Variants in IQCM observed in about 807,000 individuals in gnomAD.
IQCM encodes IQ domain-containing protein M.
Under a neutral mutation model 57.6 loss-of-function variants are expected in IQCM, and 45 were observed. The observed-to-expected ratio is 0.78, with a 90% CI of 0.62 to 1.00. The LOEUF is 1.00. Ranked by LOEUF, IQCM falls within the 50% of genes least tolerant of loss-of-function variation. The probability of loss-of-function intolerance (pLI) is 0.00; values close to 1 mark genes in which losing one functional copy is unlikely to be tolerated. For missense variants in IQCM, 468 were observed against 511.6 expected (o/e 0.91, Z 0.82); for synonymous variants, 148 against 158.9 (o/e 0.93, Z 0.51).
chr4:149,487,090 C>G (rs900945351), intron 12 of IQCM, among the ~76,000 whole-genome samples: 18 of 152,134 alleles, frequency 1.2e-4, no homozygotes, highest in African/African-American at 4.1e-4. Flanking sequence ...TCACAGTGTA[C>G]TCCCTGGTAT....
chr4:149,391,295 T>C (rs1357933949), intron 13 of IQCM, among the ~76,000 whole-genome samples: 1 of 151,946 alleles, frequency 6.6e-6, no homozygotes, highest in African/African-American at 2.4e-5. Flanking sequence ...CAGTTGCTTA[T>C]AGTATTCTTT....
At chr4:149,537,206 C>T (rs1168523653) in intron 12 of IQCM, among the ~76,000 whole-genome samples, 3 of 151,180 alleles carry the variant, frequency 2.0e-5, no homozygotes, top group Non-Finnish European at 3.0e-5. Flanking sequence ...AATTATTATA[C>T]ATTATATTTA....
chr4:149,715,658 A>C (rs1434613251), intron 5 of IQCM, among the ~76,000 whole-genome samples: 1 of 152,100 alleles, frequency 6.6e-6, no homozygotes, highest in African/African-American at 2.4e-5. Context: ...TTCTTGTCCC[A>C]TGTCCAGGAA....
intron 2 of IQCM, among the ~76,000 whole-genome samples, chr4:149,778,098 C>G (rs1381269171): frequency 1.3e-5 from 2 of 152,120 alleles, no homozygotes; most frequent in Non-Finnish European, 2.9e-5. Context: ...ATGAATTGGC[C>G]GGGCGCGGTG....
At chr4:149,496,801 A>T (rs944869308) in intron 12 of IQCM, among the ~76,000 whole-genome samples, 2 of 152,176 alleles carry the variant, frequency 1.3e-5, no homozygotes, top group Non-Finnish European at 2.9e-5. Context: ...TGCTCATTTT[A>T]TTATTTTTAT....
intron 7 of IQCM, among the ~76,000 whole-genome samples, chr4:149,622,824 C>G (rs1193683836): frequency 1.3e-5 from 2 of 152,140 alleles, no homozygotes; most frequent in Non-Finnish European, 2.9e-5. Flanking sequence ...CTGACCTACC[C>G]ACTCCCCTTA....
At chr4:149,361,708 A>G (rs1467049572) in intron 13 of IQCM, among the ~76,000 whole-genome samples, 1 of 152,202 alleles carries the variant, frequency 6.6e-6, no homozygotes, top group Non-Finnish European at 1.5e-5. Flanking sequence ...GGAAATGCCT[A>G]GAAGCCCAGA....
chr4:149,453,082 G>A (rs1737306984), intron 12 of IQCM, among the ~76,000 whole-genome samples: 1 of 150,746 alleles, frequency 6.6e-6, no homozygotes, highest in African/African-American at 2.4e-5. Flanking sequence ...CAACATCGTA[G>A]GAAAGAAGAA....
chr4:149,744,124 C>T (rs950948157), intron 2 of IQCM, among the ~76,000 whole-genome samples: 1 of 152,176 alleles, frequency 6.6e-6, no homozygotes, highest in African/African-American at 2.4e-5. Flanking sequence ...CACTTTTCCT[C>T]AGCTTCTACC....
At chr4:149,634,872 G>T (rs956741812) in intron 7 of IQCM, among the ~76,000 whole-genome samples, 1 of 152,118 alleles carries the variant, frequency 6.6e-6, no homozygotes, top group Non-Finnish European at 1.5e-5. Flanking sequence ...GGATATCAAA[G>T]AATTTGCCTC....
At chr4:149,684,779 G>A (rs966863549) in intron 6 of IQCM, among the ~76,000 whole-genome samples, 5 of 151,184 alleles carry the variant, frequency 3.3e-5, no homozygotes, top group African/African-American at 1.2e-4. Context: ...CTTTCCCCCT[G>A]CATTCCCATC....
chr4:149,432,058 T>C (rs1475916948), intron 13 of IQCM, among the ~76,000 whole-genome samples: 1 of 151,582 alleles, frequency 6.6e-6, no homozygotes, highest in Non-Finnish European at 1.5e-5. Flanking sequence ...TGTTTTCTTT[T>C]ATTTTGGGTA....
At chr4:149,679,912 G>A (rs1762054402) in intron 7 of IQCM, among the ~76,000 whole-genome samples, 1 of 151,240 alleles carries the variant, frequency 6.6e-6, no homozygotes, top group Non-Finnish European at 1.5e-5. Context: ...ACCATAAAAA[G>A]TATTCATTAT....
chr4:149,610,140 A>C (rs1049168577), intron 8 of IQCM, among the ~76,000 whole-genome samples: 1 of 151,988 alleles, frequency 6.6e-6, no homozygotes, highest in African/African-American at 2.4e-5. Context: ...AATAGCCACA[A>C]ATAAAAACAC....
chr4:149,726,071 AAAAGAAAGAAAGAAAGAAAG>A lies in IQCM; in HGVS notation c.385+7153_385+7172del, dbSNP rs529190046. On this transcript the variant is annotated intron_variant, in intron 5 of 13. Transcript: ENST00000636793. ...CTTCCCAACCATTTCTCTTCCCTCT[AAAAGAAAGAAAGAAAGAAAG>A]AAAGAAAGAAAGAAAGAAAGAAAGA... 5.9e-3 allele frequency among the ~76,000 whole-genome samples: 558 copies of A among 94,790 alleles called. 4 individuals are homozygous for A. The highest frequency in any genetic ancestry group is 8.1e-3 in the Non-Finnish European group (398 of 49,048). The allele number at this position is 94,790 out of a possible 152,430, so 62.2% of individuals were successfully genotyped here. A position where few individuals can be genotyped will look rare whatever the true frequency, so the allele number is the denominator to read the frequency against.
intron 8 of IQCM, among the ~76,000 whole-genome samples, chr4:149,603,495 C>A (rs961572350): frequency 6.6e-6 from 1 of 152,104 alleles, no homozygotes; most frequent in Admixed American, 6.6e-5. Flanking sequence ...CCATTTGTGA[C>A]CTATTCTTCA....
rs925082634 is a variant in IQCM, at chr4:149,733,394, C to G, written c.235G>C (p.Glu79Gln). ...DKKVTRDVVQ[E>Q]HRAALRRICF... The stretch of plus-strand genomic sequence containing the variant: ...ATCCTTCTGAGTGCGGCCCGATGTT[C>G]TTGCACCACATCACGTGTTACCTTT... The change falls in exon 5 of 14, where the codon GAA becomes CAA. Residue 79 changes from glutamate (E) to glutamine (Q), a missense_variant. Coordinates refer to ENST00000636793, the MANE Select transcript of IQCM (RefSeq NM_001363507.2). The G allele has an allele frequency of 2.4e-4, 301 of 1,231,818 alleles. 4 individuals are homozygous for G. Among genetic ancestry groups the G allele is most frequent in the Middle Eastern group, 1.6e-3 (5 of 3,208 alleles). 76.3% of individuals were successfully genotyped at this position (1,231,818 alleles called of 1,614,324 possible). A position where few individuals can be genotyped will look rare whatever the true frequency, so the allele number is the denominator to read the frequency against.
intron 12 of IQCM, among the ~76,000 whole-genome samples, chr4:149,481,927 G>T (rs79840064): frequency 0.13 from 104 of 796 alleles, no homozygotes; most frequent in African/African-American, 0.32. Context: ...TCCTTTTTTT[G>T]GGGGGGTTGG....
chr4:149,483,452 G>T (rs1207238034), intron 12 of IQCM, among the ~76,000 whole-genome samples: 2 of 151,648 alleles, frequency 1.3e-5, no homozygotes, highest in African/African-American at 2.4e-5. Context: ...TATCCTATAG[G>T]TTTTTTATGT....
Sources: allele counts gnomAD v4.1 joint callset (sites outside exome capture counted in the v4.1 genomes callset), GRCh38; gene constraint gnomAD v4.1.1; transcripts MANE v1.5; gene names NCBI Gene and HGNC (gene_info 2026-07-23, HGNC 2026-07-21).